Variants in DOCK7 observed in about 807,000 individuals in gnomAD.
DOCK7 encodes dedicator of cytokinesis protein 7.
In DOCK7, 138 loss-of-function variants were observed where a neutral mutation model predicts 271.0. The ratio of observed to expected loss-of-function variants is 0.51; its 90% CI spans 0.44 to 0.59. The LOEUF (loss-of-function observed/expected upper bound fraction) is 0.59, where lower values mean the gene tolerates loss of function less well. DOCK7 is among the 20% of genes least tolerant of loss of function. The pLI is 0.00. For synonymous variants in DOCK7, 823 were observed against 876.1 expected, an observed-to-expected ratio of 0.94 and a Z score of 1.07; for missense variants, 2,066 against 2,592.4, an observed-to-expected ratio of 0.80 and a Z score of 4.41.
chr1:62,462,914 C>CTTT lies in DOCK7; in HGVS notation c.6213-5212_6213-5210dup, dbSNP rs34400688. ...GCACATTTTTTTAAAGTAGAAAAAG[C>CTTT]TTTTTTTTTTTTTTTTTTTTGCCTC... On this transcript the variant is annotated intron_variant, in intron 48 of 49. Transcript: ENST00000635253. Among the ~76,000 whole-genome samples the CTTT allele has an allele frequency of 6.8e-3, 540 of 79,336 alleles. 15 individuals are homozygous for CTTT. The highest frequency in any genetic ancestry group is 0.01 in the Middle Eastern group (1 of 96). 52.0% of individuals were successfully genotyped at this position (79,336 alleles called of 152,430 possible).
intron 1 of DOCK7, among the ~76,000 whole-genome samples, chr1:62,677,179 G>C (rs1018283700): frequency 3.3e-5 from 5 of 152,138 alleles, no homozygotes; most frequent in Admixed American, 2.6e-4. Flanking sequence ...ACCCTTCTTT[G>C]GTAAGGAACT....
intron 16 of DOCK7, among the ~76,000 whole-genome samples, chr1:62,581,202 C>G (rs1321040130): frequency 2.0e-5 from 3 of 151,796 alleles, no homozygotes; most frequent in South Asian, 4.1e-4. Flanking sequence ...TGATATGGAC[C>G]TTGAAGAATG....
chr1:62,524,953 A>ATATATATATG lies in DOCK7; in HGVS notation c.3936+3197_3936+3198insCATATATATA, dbSNP rs1325570197. 6.7e-5 allele frequency among the ~76,000 whole-genome samples: 8 copies of ATATATATATG among 119,418 alleles called. No homozygotes were observed. The Admixed American group carries it at 7.2e-4, about 11-fold the overall frequency. The allele number at this position is 119,418 out of a possible 152,430, so 78.3% of individuals were successfully genotyped here. Reference sequence around the variant, plus strand: ...AAACTATATATATATATATATATATATATTACTATAAACTATATATTTTTA... The same window carrying ATATATATATG: ...AAACTATATATATATATATATATATATATATATATGTATTACTATAAACTATATATTTTTA... On this transcript the variant is annotated intron_variant, in intron 31 of 49. Coordinates refer to ENST00000635253, the MANE Select transcript of DOCK7 (RefSeq NM_001367561.1).
chr1:62,464,026 C>T (rs1389050391), intron 48 of DOCK7, among the ~76,000 whole-genome samples: 1 of 152,096 alleles, frequency 6.6e-6, no homozygotes, highest in Non-Finnish European at 1.5e-5. Context: ...AAAGTAAACA[C>T]ATGGAAAAGT....
In DOCK7 at chr1:62,590,679, G is replaced by A. The variant is rs182583150; in HGVS notation, c.1683-4055C>T. On this transcript the variant is annotated intron_variant, in intron 14 of 49. Coordinates refer to ENST00000635253, the MANE Select transcript of DOCK7 (RefSeq NM_001367561.1). ...TGGGATTAAAGAATCTGCTCACAAA[G>A]CACATGAACAGACACTTCTGAAAAG... Among the ~76,000 whole-genome samples, 29 of 152,172 alleles carry A rather than the reference G, an allele frequency of 1.9e-4. 1 individual carries two copies. Among genetic ancestry groups the A allele is most frequent in the Admixed American group, 1.4e-3 (22 of 15,286 alleles).
chr1:62,551,092 G>T (rs747463807), intron 22 of DOCK7, among the ~76,000 whole-genome samples: 1 of 152,136 alleles, frequency 6.6e-6, no homozygotes, highest in African/African-American at 2.4e-5. Flanking sequence ...CATTAAGGGG[G>T]TGAGACACAG....
chr1:62,533,334 T>C (rs1645236405), intron 29 of DOCK7, among the ~76,000 whole-genome samples: 1 of 152,090 alleles, frequency 6.6e-6, no homozygotes, highest in Non-Finnish European at 1.5e-5. Context: ...ATATTGAAAA[T>C]ACAGATTCAA....
intron 44 of DOCK7, among the ~76,000 whole-genome samples, chr1:62,476,807 T>A (rs1403507650): frequency 1.3e-5 from 2 of 152,176 alleles, no homozygotes; most frequent in African/African-American, 4.8e-5. Flanking sequence ...CAAAGGTAAT[T>A]TTTATAATTG....
At chr1:62,502,645 A>C (rs1169465206) in intron 37 of DOCK7, among the ~76,000 whole-genome samples, 1 of 152,206 alleles carries the variant, frequency 6.6e-6, no homozygotes, top group Non-Finnish European at 1.5e-5. Context: ...GGGGTATTAC[A>C]TAACTATAAA....
At position 62,633,525 on chromosome 1, in the gene DOCK7, C is replaced by T. The variant is rs756468154; in HGVS notation, c.1089G>A (p.Met363Ile). The T allele has an allele frequency of 2.5e-6, 4 of 1,612,886 alleles. No homozygotes were observed. The highest frequency in any genetic ancestry group is 3.4e-6 in the Non-Finnish European group (4 of 1,179,524). The part of the protein sequence containing the change: ...GDIGECAEPY[M>I]IFKEADATKN... ...TGGTGGCATCTGCTTCTTTGAAAAT[C>T]ATATATGGTTCTGCACACTCTCCAA... The change falls in exon 10 of 50, where the codon ATG becomes ATA. Residue 363 changes from methionine (M) to isoleucine (I), a missense_variant. Around this residue, in one of 2 missense-constraint regions of DOCK7, gnomAD observed 1,414 missense variants for 1,670.4 expected, o/e 0.85. Coordinates refer to ENST00000635253, the MANE Select transcript of DOCK7 (RefSeq NM_001367561.1).
chr1:62,514,806 T>C (rs1644610878), intron 31 of DOCK7, among the ~76,000 whole-genome samples: 1 of 152,126 alleles, frequency 6.6e-6, no homozygotes, highest in African/African-American at 2.4e-5. Flanking sequence ...AGAGAGTAAT[T>C]TGCCTTACTA....
intron 14 of DOCK7, among the ~76,000 whole-genome samples, chr1:62,603,616 C>T (rs1407702481): frequency 1.3e-5 from 2 of 151,680 alleles, no homozygotes; most frequent in African/African-American, 2.4e-5. Context: ...TAATAAATAG[C>T]TGACAGTAAA....
intron 37 of DOCK7, among the ~76,000 whole-genome samples, chr1:62,498,807 CTTT>C (rs201641085): frequency 6.9e-6 from 1 of 145,382 alleles, no homozygotes; most frequent in Non-Finnish European, 1.5e-5. Flanking sequence ...CCATTTCTTT[CTTT>C]TTTTTTTTTG....
intron 41 of DOCK7, among the ~76,000 whole-genome samples, chr1:62,489,698 T>C (rs1646403147): frequency 6.6e-6 from 1 of 152,204 alleles, no homozygotes; most frequent in African/African-American, 2.4e-5. Flanking sequence ...GCCCAATAAT[T>C]ACTTCACTAA....
intron 1 of DOCK7, among the ~76,000 whole-genome samples, chr1:62,670,803 G>A (rs1391207813): frequency 6.6e-6 from 1 of 152,186 alleles, no homozygotes. Context: ...GGTGGGGCCA[G>A]ATAAGAGAAT....
At chr1:62,609,909 T>G (rs1651542273) in intron 14 of DOCK7, among the ~76,000 whole-genome samples, 3 of 152,084 alleles carry the variant, frequency 2.0e-5, no homozygotes, top group Admixed American at 6.6e-5. Flanking sequence ...CACAGTGAGC[T>G]GAGTGATCTC....
intron 11 of DOCK7, chr1:62,629,153 G>C (rs1018186073): frequency 2.0e-5 from 3 of 152,142 alleles, no homozygotes; most frequent in Admixed American, 6.5e-5. Flanking sequence ...ATTTTTGAAG[G>C]TGCAGCCAAA....
intron 1 of DOCK7, among the ~76,000 whole-genome samples, chr1:62,663,366 G>T (rs879328347): frequency 6.6e-6 from 1 of 152,010 alleles, no homozygotes; most frequent in South Asian, 2.1e-4. Flanking sequence ...CCCATATGAG[G>T]TTTTTTCTTA....
chr1:62,465,961 C>A (rs1167998), intron 48 of DOCK7, among the ~76,000 whole-genome samples: 87,516 of 152,028 alleles, frequency 0.58, 26,855 homozygotes, highest in East Asian at 0.76. Flanking sequence ...GAAGTCATTA[C>A]ACGACAAGGC....
Sources: allele counts gnomAD v4.1 joint callset (sites outside exome capture counted in the v4.1 genomes callset), GRCh38; gene constraint gnomAD v4.1.1; regional missense constraint gnomAD v4.1.1; transcripts MANE v1.5; gene names NCBI Gene and HGNC (gene_info 2026-07-23, HGNC 2026-07-21).